HDX: variants seen among roughly 807,000 people sequenced by gnomAD.
The protein encoded by HDX is chromosome X open reading frame 43.
In HDX, 19 loss-of-function variants were observed where a neutral mutation model predicts 45.2. The observed-to-expected ratio is 0.42, with a 90% CI of 0.29 to 0.62. HDX has a LOEUF of 0.62. Ranked by LOEUF, HDX falls within the 20% of genes least tolerant of loss-of-function variation. HDX has a pLI of 0.20. For synonymous variants in HDX, 188 were observed against 172.8 expected, an observed-to-expected ratio of 1.09 and a Z score of -0.69; for missense variants, 532 against 493.9, an observed-to-expected ratio of 1.08 and a Z score of -0.73.
intron 5 of HDX, 124 bp from the exon 6 acceptor site, chrX:84,361,736 T>C: frequency 2.3e-6 from 1 of 426,055 alleles, no homozygotes; most frequent in Non-Finnish European, 3.8e-6. Flanking sequence ...ATTTCACAAT[T>C]CTTATTCAGT....
intron 4 of HDX, among the ~76,000 whole-genome samples, chrX:84,467,202 T>C (rs1404206695): frequency 9.0e-6 from 1 of 111,351 alleles, no homozygotes; most frequent in Admixed American, 9.5e-5. Context: ...TATACTGTAT[T>C]ATTGCTTTTC....
intron 9 of HDX, among the ~76,000 whole-genome samples, chrX:84,327,701 CAG>C (rs1446411941): frequency 9.0e-6 from 1 of 111,065 alleles, no homozygotes; most frequent in African/African-American, 3.3e-5. Context: ...TAGAGGAAAA[CAG>C]AGGAGAAAAT....
intron 5 of HDX, among the ~76,000 whole-genome samples, chrX:84,420,080 A>G (rs1020918415): frequency 1.8e-5 from 2 of 111,936 alleles, no homozygotes; most frequent in Non-Finnish European, 3.8e-5. Context: ...TGCCTAACTC[A>G]TCAATTCCCA....
intron 5 of HDX, among the ~76,000 whole-genome samples, chrX:84,393,003 T>C (rs933265611): frequency 5.4e-5 from 6 of 111,165 alleles, no homozygotes; most frequent in Non-Finnish European, 1.1e-4. Context: ...TGCCTGATTG[T>C]TCTTGCTAAG....
intron 7 of HDX, among the ~76,000 whole-genome samples, chrX:84,337,379 G>A (rs1285973540): frequency 1.8e-5 from 2 of 110,842 alleles, no homozygotes; most frequent in Non-Finnish European, 3.8e-5. Context: ...AGACACACTA[G>A]GACTGTTTCC....
chrX:84,455,471 T>C (rs2040093429), intron 4 of HDX, among the ~76,000 whole-genome samples: 1 of 111,890 alleles, frequency 8.9e-6, no homozygotes, highest in Admixed American at 9.4e-5. Context: ...GAATTGATCA[T>C]GCAGAATAAA....
intron 5 of HDX, among the ~76,000 whole-genome samples, chrX:84,414,498 T>C (rs1179433572): frequency 1.8e-5 from 2 of 111,943 alleles, no homozygotes; most frequent in Non-Finnish European, 3.8e-5. Flanking sequence ...TTTCCAGAGC[T>C]AACTAAAATA....
intron 5 of HDX, among the ~76,000 whole-genome samples, chrX:84,421,394 A>G (rs1444003492): frequency 1.8e-5 from 2 of 111,731 alleles, no homozygotes; most frequent in African/African-American, 3.3e-5. Flanking sequence ...TAGTATTTGA[A>G]TGCCTCATGG....
At chrX:84,323,264 G>A (rs147740012) in intron 10 of HDX, among the ~76,000 whole-genome samples, 9,185 of 110,700 alleles carry the variant, frequency 0.083, 391 homozygotes, top group East Asian at 0.26. Context: ...TAAAGGTAAT[G>A]CCTGCTTTCT....
intron 5 of HDX, among the ~76,000 whole-genome samples, chrX:84,376,589 A>G (rs938334758): frequency 3.6e-5 from 4 of 111,949 alleles, no homozygotes; most frequent in African/African-American, 1.3e-4. Context: ...GAATGTTGGC[A>G]GTAGTCTGGC....
chrX:84,360,351 A>G (rs964789332), intron 6 of HDX, among the ~76,000 whole-genome samples: 1 of 112,311 alleles, frequency 8.9e-6, no homozygotes, highest in Non-Finnish European at 1.9e-5. Flanking sequence ...ATAAATTTTT[A>G]TCTATCATTC....
intron 5 of HDX, among the ~76,000 whole-genome samples, chrX:84,393,100 C>T (rs1398812496): frequency 9.0e-6 from 1 of 111,365 alleles, no homozygotes; most frequent in Non-Finnish European, 1.9e-5. Flanking sequence ...TTGTATTGTT[C>T]CAGTTCTTAA....
chrX:84,373,609 C>G lies in HDX; in HGVS notation c.1306-11997G>C, dbSNP rs773928057. Among the ~76,000 whole-genome samples, 3 of 110,564 alleles carry G rather than the reference C, an allele frequency of 2.7e-5. No individual in the cohort carries two copies. In the East Asian group the frequency reaches 8.6e-4, roughly 32 times the overall value. On this transcript the variant is annotated intron_variant, in intron 5 of 10. Coordinates refer to ENST00000373177, the MANE Select transcript of HDX (RefSeq NM_001177479.2). ...GGGATGAAGGCTGGTTTAATATACGCAAATCAACAAATGTAATCCAGCATA... is the reference window on the plus strand; with the variant it reads ...GGGATGAAGGCTGGTTTAATATACGGAAATCAACAAATGTAATCCAGCATA...
intron 5 of HDX, among the ~76,000 whole-genome samples, chrX:84,370,619 T>C (rs746248423): frequency 8.9e-6 from 1 of 112,345 alleles, no homozygotes; most frequent in South Asian, 3.7e-4. Context: ...TGTCAGTTTA[T>C]TTATTTTAAA....
chrX:84,426,344 T>G (rs1270970541), intron 5 of HDX, among the ~76,000 whole-genome samples: 1 of 110,725 alleles, frequency 9.0e-6, no homozygotes, highest in Non-Finnish European at 1.9e-5. Flanking sequence ...AATAAGTACC[T>G]CAAAGAGATA....
chrX:84,458,714 C>T (rs1221539875), intron 4 of HDX, among the ~76,000 whole-genome samples: 1 of 111,393 alleles, frequency 9.0e-6, no homozygotes, highest in Middle Eastern at 4.2e-3. Context: ...TTATCATGTA[C>T]CCACACATGA....
intron 5 of HDX, among the ~76,000 whole-genome samples, chrX:84,421,777 C>G (rs149759751): frequency 1.8e-5 from 2 of 110,908 alleles, no homozygotes; most frequent in Non-Finnish European, 3.8e-5. Flanking sequence ...ATATTTATAT[C>G]AGACAAAATA....
At chrX:84,365,796 G>A (rs1018912775) in intron 5 of HDX, among the ~76,000 whole-genome samples, 5 of 111,281 alleles carry the variant, frequency 4.5e-5, no homozygotes, top group Non-Finnish European at 7.5e-5. Context: ...GAGTACGTGC[G>A]TTTAAATTAA....
intron 5 of HDX, among the ~76,000 whole-genome samples, chrX:84,370,483 G>A (rs770985053): frequency 7.2e-5 from 8 of 111,868 alleles, no homozygotes; most frequent in East Asian, 2.8e-4. Flanking sequence ...AAAGAACTTC[G>A]TTCAATCTTA....
Sources: allele counts gnomAD v4.1 joint callset (sites outside exome capture counted in the v4.1 genomes callset), GRCh38; gene constraint gnomAD v4.1.1; transcripts MANE v1.5; gene names NCBI Gene and HGNC (gene_info 2026-07-23, HGNC 2026-07-21).